DCC: variants seen among roughly 807,000 people sequenced by gnomAD.
DCC encodes the protein netrin receptor DCC.
In DCC, 58 loss-of-function variants were observed where a neutral mutation model predicts 172.5. The ratio of observed to expected loss-of-function variants is 0.34; its 90% confidence interval spans 0.27 to 0.42. DCC has a LOEUF of 0.42. DCC is among the 10% of genes least tolerant of loss of function. The probability of loss-of-function intolerance (pLI) is 1.00; values close to 1 mark genes in which losing one functional copy is unlikely to be tolerated. For missense variants in DCC, 1,740 were observed against 1,791.0 expected (o/e 0.97, Z 0.51); for synonymous variants, 709 against 644.5 (o/e 1.10, Z -1.52).
At chr18:53,448,241 T>C (rs1912755686) in intron 22 of DCC, among the ~76,000 whole-genome samples, 1 of 152,096 alleles carries the variant, frequency 6.6e-6, no homozygotes. Context: ...GACTGGGTAA[T>C]TTATAAAGGA....
At chr18:53,097,847 A>G (rs1402842205) in intron 7 of DCC, among the ~76,000 whole-genome samples, 2 of 152,114 alleles carry the variant, frequency 1.3e-5, no homozygotes, top group Non-Finnish European at 2.9e-5. Flanking sequence ...TCTCTTCCTC[A>G]TGTTATAAGG....
chr18:53,105,377 C>A (rs1003212086), intron 7 of DCC, among the ~76,000 whole-genome samples: 1 of 151,994 alleles, frequency 6.6e-6, no homozygotes, highest in Non-Finnish European at 1.5e-5. Context: ...ATTTCCCGAG[C>A]TTATCTGTCT....
chr18:52,479,935 C>A (rs2029888870), intron 1 of DCC, among the ~76,000 whole-genome samples: 1 of 152,028 alleles, frequency 6.6e-6, no homozygotes, highest in Non-Finnish European at 1.5e-5. Flanking sequence ...CAAACTATAT[C>A]CTGACAATAG....
chr18:52,506,883 G>A (rs911633524), intron 1 of DCC, among the ~76,000 whole-genome samples: 5 of 151,936 alleles, frequency 3.3e-5, no homozygotes, highest in African/African-American at 7.2e-5. Context: ...CAGTTGTTAC[G>A]GATATTGTGT....
intron 5 of DCC, among the ~76,000 whole-genome samples, chr18:52,972,823 T>C (rs72928107): frequency 0.021 from 3,244 of 152,288 alleles, 60 homozygotes; most frequent in Admixed American, 0.039. Context: ...GCATTTAGCT[T>C]TCTTGATATC....
intron 2 of DCC, among the ~76,000 whole-genome samples, chr18:52,812,512 C>T (rs1375010734): frequency 3.3e-5 from 5 of 152,126 alleles, no homozygotes; most frequent in East Asian, 1.9e-4. Context: ...CATCAAAGGT[C>T]TTAAAGGCCA....
intron 1 of DCC, among the ~76,000 whole-genome samples, chr18:52,434,522 C>T (rs567739904): frequency 2.6e-5 from 4 of 152,132 alleles, no homozygotes; most frequent in Non-Finnish European, 5.9e-5. Flanking sequence ...AGAAAATATA[C>T]TGATAAAACA....
intron 16 of DCC, among the ~76,000 whole-genome samples, chr18:53,387,629 A>G (rs181421492): frequency 7.2e-5 from 11 of 152,288 alleles, no homozygotes; most frequent in African/African-American, 2.6e-4. Context: ...GGTGTCTGGG[A>G]TTTTAACTTT....
intron 2 of DCC, among the ~76,000 whole-genome samples, chr18:52,834,479 T>C (rs914370473): frequency 1.3e-5 from 2 of 152,164 alleles, no homozygotes; most frequent in East Asian, 3.9e-4. Flanking sequence ...CACTGAAACT[T>C]GAGAACCACT....
chr18:53,134,695 AT>A (rs1164516463), intron 7 of DCC, among the ~76,000 whole-genome samples: 2 of 152,070 alleles, frequency 1.3e-5, no homozygotes, highest in Admixed American at 6.6e-5. Context: ...AAAAGAAATG[AT>A]TTTTTTGACA....
In DCC at chr18:52,750,298, A is replaced by G. The variant is rs192957514; in HGVS notation, c.92-1756A>G. Among the ~76,000 whole-genome samples the G allele has an allele frequency of 3.3e-5, 5 of 152,310 alleles. No homozygotes were observed. The East Asian group carries it at 9.7e-4, about 29-fold the overall frequency. Reference sequence around the variant, plus strand: ...TGATAAAACCAAGACCTAAGGCTAGATATCCAGACAGCCAATTCAATGTAC... The same window carrying G: ...TGATAAAACCAAGACCTAAGGCTAGGTATCCAGACAGCCAATTCAATGTAC... On this transcript the variant is annotated intron_variant, in intron 1 of 28. Transcript: ENST00000442544.
At position 53,406,712 on chromosome 18, in the gene DCC, AAAAAG is replaced by A. The variant is rs1413142390; in HGVS notation, c.2936-3736_2936-3732del. 3.9e-3 allele frequency among the ~76,000 whole-genome samples: 444 copies of A among 114,948 alleles called. 22 individuals are homozygous for A. Among genetic ancestry groups the A allele is most frequent in the Admixed American group, 0.033 (420 of 12,748 alleles). 75.4% of individuals were successfully genotyped at this position (114,948 alleles called of 152,430 possible). ...GAGCAAGACTCTGTCTCAAAAAAAA[AAAAAG>A]AAAGAAAGAAAAAAGAAAAAAAGTA... On this transcript the variant is annotated intron_variant, in intron 19 of 28. Coordinates refer to ENST00000442544, the MANE Select transcript of DCC (RefSeq NM_005215.4).
At chr18:53,497,560 G>T (rs1468037686) in intron 26 of DCC, among the ~76,000 whole-genome samples, 22 of 152,140 alleles carry the variant, frequency 1.4e-4, no homozygotes, top group Non-Finnish European at 8.8e-5. Context: ...GTCTCCTTTA[G>T]ATTAAATGAG....
At chr18:53,314,208 A>C (rs1355211493) in intron 13 of DCC, among the ~76,000 whole-genome samples, 2 of 152,218 alleles carry the variant, frequency 1.3e-5, no homozygotes, top group Non-Finnish European at 1.5e-5. Context: ...GGAATTCTAA[A>C]GGTAATGTCC....
Position 53,346,626 on chromosome 18 carries a change from A to G in DCC, c.2359+6719A>G, listed in dbSNP as rs2057729482. 2.0e-5 allele frequency among the ~76,000 whole-genome samples: 3 copies of G among 152,120 alleles called. No homozygotes were observed. In the South Asian group the frequency reaches 6.2e-4, roughly 32 times the overall value. On this transcript the variant is annotated intron_variant, in intron 15 of 28. Coordinates refer to ENST00000442544, the MANE Select transcript of DCC (RefSeq NM_005215.4). ...AACATTGTCCTCTTTTTAATATTAC[A>G]ATCTCCATTTTTTTCTACATTTTCT...
chr18:52,444,233 G>A (rs12604849), intron 1 of DCC, among the ~76,000 whole-genome samples: 1,741 of 152,186 alleles, frequency 0.011, 58 homozygotes, highest in Admixed American at 0.065. Flanking sequence ...TCTAAAATGA[G>A]GTGTTTCCCT....
intron 1 of DCC, among the ~76,000 whole-genome samples, chr18:52,739,384 T>C (rs1414150735): frequency 6.6e-6 from 1 of 152,154 alleles, no homozygotes; most frequent in African/African-American, 2.4e-5. Context: ...ATTTGTTAAA[T>C]ACCTCTGAAA....
intron 2 of DCC, among the ~76,000 whole-genome samples, chr18:52,835,383 C>T (rs1334219384): frequency 6.6e-6 from 1 of 152,116 alleles, no homozygotes; most frequent in Non-Finnish European, 1.5e-5. Flanking sequence ...ATTTTTTATA[C>T]AAATTGTAAA....
chr18:53,069,028 A>G (rs902659661), intron 7 of DCC, among the ~76,000 whole-genome samples: 2 of 152,026 alleles, frequency 1.3e-5, no homozygotes, highest in Non-Finnish European at 2.9e-5. Context: ...TGGCATGGGG[A>G]TGCCACTAGC....
Sources: allele counts gnomAD v4.1 joint callset (sites outside exome capture counted in the v4.1 genomes callset), GRCh38; gene constraint gnomAD v4.1.1; transcripts MANE v1.5; gene names NCBI Gene and HGNC (gene_info 2026-07-23, HGNC 2026-07-21).